PCDH8: variants seen among roughly 807,000 people sequenced by gnomAD.
The protein encoded by PCDH8 is protocadherin 8, also known as protocadherin-8.
A neutral mutation model predicts 58.2 loss-of-function variants in PCDH8; 36 were observed. The observed-to-expected ratio is 0.62, with a 90% CI of 0.47 to 0.82. The LOEUF (loss-of-function observed/expected upper bound fraction) is 0.82. Among genes scored for constraint, PCDH8 ranks in the 40% least tolerant of loss-of-function variants. The pLI is 0.00. For missense variants in PCDH8, 1,493 were observed against 1,567.8 expected, an observed-to-expected ratio of 0.95 and a Z score of 0.81; for synonymous variants, 775 against 728.9, an observed-to-expected ratio of 1.06 and a Z score of -1.02.
In PCDH8 at chr13:52,845,594, C is replaced by G. The variant is rs1167835822; in HGVS notation, c.2670G>C (p.Ala890=). The change falls in exon 2 of 3, where the codon GCG becomes GCC. Residue 890 remains alanine (A), a synonymous_variant. Transcript: ENST00000377942. ...GASPGFGKEP[A]PPVAVWKGHS... is the part of the protein sequence containing the mutation. ...GTCCTTTCCACACCGCCACAGGGGG[C>G]GCCGGCTCCTTTCCAAAACCCGGGG... 6.2e-6 allele frequency: 10 copies of G among 1,613,942 alleles called. No homozygotes were observed. Among genetic ancestry groups the G allele is most frequent in the Non-Finnish European group, 6.8e-6 (8 of 1,180,030 alleles).
Position 52,843,931 on chromosome 13 carries a change from G to T in PCDH8, c.*629C>A, listed in dbSNP as rs973735207. ...TCATTCTGATACTCAAATTATTTGT[G>T]AATGTCTGACTATAGGCAGCTTCAT... On this transcript the variant is annotated 3_prime_UTR_variant, in exon 3 of 3. Coordinates refer to ENST00000377942, the MANE Select transcript of PCDH8 (RefSeq NM_002590.4). The T allele has an allele frequency of 3.3e-5, 5 of 152,482 alleles. No homozygotes were observed. The highest frequency in any genetic ancestry group is 1.2e-4 in the African/African-American group (5 of 41,450). The allele number at this position is 152,482 out of a possible 1,614,324, so 9.4% of individuals were successfully genotyped here.
chr13:52,848,142 C>T lies in PCDH8; in HGVS notation c.295G>A (p.Ala99Thr). 6.2e-7 allele frequency: 1 copy of T among 1,612,704 alleles called. No homozygotes were observed. Among genetic ancestry groups the T allele is most frequent in the Non-Finnish European group, 8.5e-7 (1 of 1,179,748 alleles). ...TCGAAGGCCAGCACGCACTGCGGGG[C>T]CTGGCCACACAGCCGCTCGCGGTCC... ...GLDRERLCGQ[A>T]PQCVLAFDVV... The change falls in exon 1 of 3, where the codon GCC becomes ACC. Residue 99 changes from alanine to threonine, a missense_variant. Ala to Thr is a moderately conservative substitution (Grantham distance 58, BLOSUM62 0). Transcript: ENST00000377942.
Position 52,847,085 on chromosome 13 carries a change from G to A in PCDH8, c.1352C>T (p.Thr451Ile). Residue 451 changes from threonine (T) to isoleucine (I), a missense_variant, in exon 1 of 3, where the codon ACC becomes ATC. Thr to Ile is a moderately conservative substitution (Grantham distance 89). Transcript: ENST00000377942. Reference protein sequence around the residue: ...PAYAGSYLVVTAASLDRERIA... With the variant: ...PAYAGSYLVVIAASLDRERIA... ...GCGTTCGCGGTCCAGCGACGCCGCG[G>A]TCACCACCAGGTAGCTGCCCGCGTA... 2 of 1,560,574 alleles carry A rather than the reference G, an allele frequency of 1.3e-6. No individual in the cohort carries two copies. The highest frequency in any genetic ancestry group is 4.8e-5 in the East Asian group (2 of 41,574).
At position 52,846,132 on chromosome 13, in the gene PCDH8, C is replaced by T; in HGVS notation, c.2305G>A (p.Ala769Thr). 6.3e-7 allele frequency: 1 copy of T among 1,582,138 alleles called. No individual in the cohort carries two copies. Among genetic ancestry groups the T allele is most frequent in the Non-Finnish European group, 8.5e-7 (1 of 1,171,780 alleles). The change falls in exon 1 of 3, where the codon GCC becomes ACC. Residue 769 changes from alanine (A) to threonine (T), a missense_variant. Physicochemically the swap from Ala to Thr is moderately conservative, Grantham distance 58 (BLOSUM62 0). Coordinates refer to ENST00000377942, the MANE Select transcript of PCDH8 (RefSeq NM_002590.4). Reference protein sequence around the residue: ...SCTLLLAAIIAIATTCNRRKK... With the variant: ...SCTLLLAAIITIATTCNRRKK... The stretch of plus-strand genomic sequence containing the variant: ...CGGCGGTTGCAGGTGGTGGCGATGG[C>T]GATGATGGCGGCCAGCAGCAGCGTG...
chr13:52,846,728 T>A lies in PCDH8; in HGVS notation c.1709A>T (p.Glu570Val). ...GCGAACGTCGAGTTGGCGCAGCGTC[T>A]CATAGTCGAAGCTGCGCAGCGCGTA... ...AIYALRSFDY[E>V]TLRQLDVRIQ... The change falls in exon 1 of 3, where the codon GAG becomes GTG. Residue 570 changes from glutamate to valine, a missense_variant. Physicochemically the swap from Glu to Val is moderately radical, Grantham distance 121. Transcript: ENST00000377942. 6.3e-7 allele frequency: 1 copy of A among 1,592,986 alleles called. No homozygotes were observed. Among genetic ancestry groups the A allele is most frequent in the Non-Finnish European group, 8.5e-7 (1 of 1,175,306 alleles).
chr13:52,847,327 G>C lies in PCDH8; in HGVS notation c.1110C>G (p.Phe370Leu). 1 of 1,428,474 alleles carries C rather than the reference G, an allele frequency of 7.0e-7. No individual in the cohort carries two copies. Among genetic ancestry groups the C allele is most frequent in the Non-Finnish European group, 9.1e-7 (1 of 1,098,486 alleles). 88.5% of individuals were successfully genotyped at this position (1,428,474 alleles called of 1,614,324 possible). The stretch of plus-strand genomic sequence containing the variant: ...GTGCAGCGGCGGCGGCGGCAGCGGC[G>C]AAGGGTGAGGTTGCCGGCGCGCCTG... ...AAPGAPATSP[F>L]AAAAAAAALG... Residue 370 changes from phenylalanine to leucine, a missense_variant, in exon 1 of 3, where the codon TTC becomes TTG. Coordinates refer to ENST00000377942, the MANE Select transcript of PCDH8 (RefSeq NM_002590.4).
rs939471838 is a variant in PCDH8 at position 52,846,503 on chromosome 13, G to A, written c.1934C>T (p.Ala645Val). Residue 645 changes from alanine to valine, a missense_variant, in exon 1 of 3, where the codon GCC (alanine) becomes GTC (valine). Transcript: ENST00000377942. Reference sequence around the variant, plus strand: ...CAGCTCGAACGCCAGCTCCCCGTTGGCTCCCTCGTCTGCATCCCGGGCCTG... The same window carrying A: ...CAGCTCGAACGCCAGCTCCCCGTTGACTCCCTCGTCTGCATCCCGGGCCTG... ...RVQARDADEG[A>V]NGELAFELQQ... The A allele has an allele frequency of 4.4e-6, 7 of 1,597,506 alleles. No individual in the cohort carries two copies. Among genetic ancestry groups the A allele is most frequent in the East Asian group, 2.2e-5 (1 of 44,782 alleles).
rs775428165 is a variant in PCDH8 at position 52,846,441 on chromosome 13, G to C, written c.1996C>G (p.Arg666Gly). 1 of 1,599,398 alleles carries C rather than the reference G, an allele frequency of 6.3e-7. No individual in the cohort carries two copies. Among genetic ancestry groups the C allele is most frequent in the East Asian group, 2.2e-5 (1 of 44,786 alleles). ...QEPREAFAIG[R>G]RTGEILLTGD... is the part of the protein sequence containing the mutation. ...GTGAGCAGTATCTCCCCCGTGCGGC[G>C]GCCGATGGCGAAGGCTTCGCGCGGC... Residue 666 changes from arginine to glycine, a missense_variant, in exon 1 of 3, where the codon CGC (arginine) becomes GGC (glycine). Physicochemically the swap from Arg to Gly is moderately radical, Grantham distance 125. Transcript: ENST00000377942.
Position 52,847,369 on chromosome 13 carries a change from G to T in PCDH8, c.1068C>A (p.Ile356=). 6.6e-7 allele frequency: 1 copy of T among 1,514,452 alleles called. No homozygotes were observed. The highest frequency in any genetic ancestry group is 8.8e-7 in the Non-Finnish European group (1 of 1,137,544). The allele number at this position is 1,514,452 out of a possible 1,614,324, so 93.8% of individuals were successfully genotyped here. A position where few individuals can be genotyped will look rare whatever the true frequency, so the allele number is the denominator to read the frequency against. ...GCGCGCCTGGGGCGGCCAGCGGGGT[G>T]ATGGCGATGTCGGGTGCGTTGTCAT... ...DVNDNAPDIA[I]TPLAAPGAPA... The change falls in exon 1 of 3, where the codon ATC becomes ATA. Residue 356 remains isoleucine (I), a synonymous_variant. Transcript: ENST00000377942.
chr13:52,844,876 C>A lies in PCDH8; in HGVS notation c.2897G>T (p.Ser966Ile). Residue 966 changes from serine (S) to isoleucine (I), a missense_variant, in exon 3 of 3, where the codon AGC (serine) becomes ATC (isoleucine). By Grantham distance (142) the Ser-to-Ile change is moderately radical. Transcript: ENST00000377942. ...TGCGTTGGGCCCGCTGCAGGATGGG[C>A]TCCAGCAGCGGTCAGAGTGGCCCAG... ...KILGHSDRCW[S>I]PSCSGPNAHP... The A allele has an allele frequency of 2.5e-6, 4 of 1,583,300 alleles. No homozygotes were observed. Among genetic ancestry groups the A allele is most frequent in the Non-Finnish European group, 3.4e-6 (4 of 1,162,976 alleles).
Position 52,845,645 on chromosome 13 carries a change from ATAGG to A in PCDH8, c.2632-17_2632-14del. ...AGGCACCGTAGGGCTGCAGCAGGGA[ATAGG>A]GGAATGGGAGTGGGGGGAGGGTTGG... is the stretch of plus-strand genomic sequence containing the variant. On this transcript the variant is annotated splice_polypyrimidine_tract_variant and intron_variant, in intron 1 of 2. Coordinates refer to ENST00000377942, the MANE Select transcript of PCDH8 (RefSeq NM_002590.4). 1 of 1,613,464 alleles carries A rather than the reference ATAGG, an allele frequency of 6.2e-7. No homozygotes were observed. The highest frequency in any genetic ancestry group is 1.7e-5 in the Admixed American group (1 of 60,020).
chr13:52,847,115 G>C lies in PCDH8; in HGVS notation c.1322C>G (p.Pro441Arg), dbSNP rs747858008. 6.4e-7 allele frequency: 1 copy of C among 1,553,236 alleles called. No homozygotes were observed. Among genetic ancestry groups the C allele is most frequent in the Non-Finnish European group, 8.6e-7 (1 of 1,156,738 alleles). The change falls in exon 1 of 3, where the codon CCG (proline) becomes CGG (arginine). Residue 441 changes from proline to arginine, a missense_variant. Pro to Arg is a moderately radical substitution (Grantham distance 103, BLOSUM62 -2). This residue lies in a region of PCDH8 where 1,307 missense variants were observed against 1,362.7 expected (regional missense o/e 0.96). Coordinates refer to ENST00000377942, the MANE Select transcript of PCDH8 (RefSeq NM_002590.4). ...CACCAGGTAGCTGCCCGCGTAGGCCGGCTGCAGCCGGAAGTGCTCGTGCCC... is the reference window on the plus strand; with the variant it reads ...CACCAGGTAGCTGCCCGCGTAGGCCCGCTGCAGCCGGAAGTGCTCGTGCCC... ...LYGHEHFRLQ[P>R]AYAGSYLVVT...
Position 52,846,798 on chromosome 13 carries a change from C to A in PCDH8, c.1639G>T (p.Ala547Ser), listed in dbSNP as rs941974563. 3 of 1,553,456 alleles carry A rather than the reference C, an allele frequency of 1.9e-6. No individual in the cohort carries two copies. The highest frequency in any genetic ancestry group is 1.4e-5 in the African/African-American group (1 of 73,618). The part of the protein sequence containing the change: ...LEAEVGRAGG[A>S]VSTYVSVDPA... ...TCCACCGAGACATAAGTGGACACGGCGCCCCCGGCGCGGCCCACCTCGGCC... is the reference window on the plus strand; with the variant it reads ...TCCACCGAGACATAAGTGGACACGGAGCCCCCGGCGCGGCCCACCTCGGCC... Residue 547 changes from alanine to serine, a missense_variant, in exon 1 of 3, where the codon GCC becomes TCC. Physicochemically the swap from Ala to Ser is moderately conservative, Grantham distance 99. Around this residue, in one of 3 missense-constraint regions of PCDH8, gnomAD observed 1,307 missense variants for 1,362.7 expected, o/e 0.96. Transcript: ENST00000377942.
chr13:52,847,464 G>A lies in PCDH8; in HGVS notation c.973C>T (p.Arg325Trp), dbSNP rs779368741. 5 of 1,590,594 alleles carry A rather than the reference G, an allele frequency of 3.1e-6. No homozygotes were observed. The South Asian group carries it at 3.4e-5, about 11-fold the overall frequency. Residue 325 changes from arginine (R) to tryptophan (W), a missense_variant, in exon 1 of 3, where the codon CGG becomes TGG. Arg to Trp is a moderately radical substitution (Grantham distance 101). Coordinates refer to ENST00000377942, the MANE Select transcript of PCDH8 (RefSeq NM_002590.4). ...ERQDTYELDV[R>W]AQDRGPGPRA... is the part of the protein sequence containing the mutation. ...GGCCCGGGTCCGCGGTCCTGCGCCC[G>A]CACGTCCAGCTCGTAGGTGTCCTGA... is the stretch of plus-strand genomic sequence containing the variant.
At position 52,848,495 on chromosome 13, in the gene PCDH8, G is replaced by T; in HGVS notation, c.-59C>A. 6.6e-7 allele frequency: 1 copy of T among 1,511,920 alleles called. No homozygotes were observed. Among genetic ancestry groups the T allele is most frequent in the Non-Finnish European group, 8.8e-7 (1 of 1,135,916 alleles). 93.7% of individuals were successfully genotyped at this position (1,511,920 alleles called of 1,614,324 possible). On this transcript the variant is annotated 5_prime_UTR_variant, in exon 1 of 3. Transcript: ENST00000377942. ...GGAAGTCTTCTCTGGTTTCCAGGTC[G>T]GGCGTCAGTCTCAGGCTCTCGGAAT...
In PCDH8 at chr13:52,846,356, T is replaced by A. The variant is rs765186519; in HGVS notation, c.2081A>T (p.Asp694Val). The A allele has an allele frequency of 1.9e-6, 3 of 1,569,178 alleles. No individual in the cohort carries two copies. Among genetic ancestry groups the A allele is most frequent in the Non-Finnish European group, 2.6e-6 (3 of 1,159,188 alleles). ...GGTGGTGAGCGGGGGACGGCCGCCG[T>A]CGGATATGACCAGGAGCGCCCTGAA... is the stretch of plus-strand genomic sequence containing the variant. ...RVFRALLVIS[D>V]GGRPPLTTTA... Residue 694 changes from aspartate (D) to valine (V), a missense_variant, in exon 1 of 3, where the codon GAC becomes GTC. Asp to Val is a radical substitution (Grantham distance 152). Around this residue, in one of 3 missense-constraint regions of PCDH8, gnomAD observed 1,307 missense variants for 1,362.7 expected, o/e 0.96. Coordinates refer to ENST00000377942, the MANE Select transcript of PCDH8 (RefSeq NM_002590.4).
In PCDH8 at chr13:52,845,894, T is replaced by G. The variant is rs1054926897; in HGVS notation, c.2543A>C (p.Glu848Ala). The G allele has an allele frequency of 1.3e-6, 2 of 1,483,676 alleles. No homozygotes were observed. Among genetic ancestry groups the G allele is most frequent in the Non-Finnish European group, 1.8e-6 (2 of 1,128,470 alleles). 91.9% of individuals were successfully genotyped at this position (1,483,676 alleles called of 1,614,324 possible). A position where few individuals can be genotyped will look rare whatever the true frequency, so the allele number is the denominator to read the frequency against. Residue 848 changes from glutamate (E) to alanine (A), a missense_variant, in exon 1 of 3, where the codon GAA becomes GCA. Around this residue, in one of 3 missense-constraint regions of PCDH8, gnomAD observed 1,307 missense variants for 1,362.7 expected, o/e 0.96. Transcript: ENST00000377942. The stretch of plus-strand genomic sequence containing the variant: ...GCTGCCGCCCTCTGAGCCCGGCACT[T>G]CGGCCGCGGCGACCGCAGGCGGAGG... ...DAPPPAVAAAEVPGSEGGSAT... is the reference protein window; with the variant it reads ...DAPPPAVAAAAVPGSEGGSAT...
At chr13:52,845,088 T>C (rs1159202266) in intron 2 of PCDH8, among the ~76,000 whole-genome samples, 155 bp from the exon 3 acceptor site, 2 of 152,142 alleles carry the variant, frequency 1.3e-5, no homozygotes, top group South Asian at 2.1e-4. Flanking sequence ...CGAAGGCACA[T>C]TGCTTCCTGT....
At chr13:52,844,974 C>T in intron 2 of PCDH8, 41 bp from the exon 3 acceptor site, 1 of 1,509,924 alleles carries the variant, frequency 6.6e-7, no homozygotes, top group Non-Finnish European at 8.8e-7. Context: ...ACGATTATTC[C>T]TGAGATTATA....
Sources: gnomAD v4.1 joint callset for allele counts (sites outside exome capture counted in the v4.1 genomes callset) on GRCh38, gnomAD v4.1.1 for gene constraint, gnomAD v4.1.1 regional missense constraint, MANE v1.5 for transcripts, NCBI Gene and HGNC (gene_info 2026-07-23, HGNC 2026-07-21) for gene names.